Variants in TCF7L2 observed in about 807,000 individuals in gnomAD.
TCF7L2 encodes transcription factor 7-like 2.
A neutral mutation model predicts 77.9 loss-of-function variants in TCF7L2; 23 were observed. The observed-to-expected ratio is 0.30, with a 90% CI of 0.21 to 0.42. TCF7L2 has a LOEUF of 0.42. Among genes scored for constraint, TCF7L2 ranks in the 10% least tolerant of loss-of-function variants. The probability of loss-of-function intolerance (pLI) is 1.00; values close to 1 mark genes in which losing one functional copy is unlikely to be tolerated. For missense variants in TCF7L2, 654 were observed against 793.1 expected, an observed-to-expected ratio of 0.82 and a Z score of 2.11; for synonymous variants, 413 against 340.2, an observed-to-expected ratio of 1.21 and a Z score of -2.36.
At chr10:113,073,811 G>A (rs2058381024) in intron 5 of TCF7L2, among the ~76,000 whole-genome samples, 1 of 152,178 alleles carries the variant, frequency 6.6e-6, no homozygotes, top group African/African-American at 2.4e-5. Flanking sequence ...CACCACACCG[G>A]ACTGCCTGGC....
chr10:113,131,416 G>A (rs2066581809), intron 5 of TCF7L2, among the ~76,000 whole-genome samples: 1 of 152,196 alleles, frequency 6.6e-6, no homozygotes. Flanking sequence ...TGTCAGGAAT[G>A]GTGGTGAAGA....
intron 4 of TCF7L2, among the ~76,000 whole-genome samples, chr10:112,970,695 A>G (rs1290264863): frequency 1.3e-5 from 2 of 151,886 alleles, no homozygotes; most frequent in African/African-American, 2.4e-5. Context: ...ACTTTCTCCC[A>G]CTTCAGGTTT....
At chr10:113,137,360 C>T (rs1239334278) in intron 5 of TCF7L2, among the ~76,000 whole-genome samples, 1 of 152,186 alleles carries the variant, frequency 6.6e-6, no homozygotes, top group Non-Finnish European at 1.5e-5. Context: ...GCACGTTTAG[C>T]TTGTGCCTGT....
At chr10:113,135,651 C>G (rs1296865245) in intron 5 of TCF7L2, among the ~76,000 whole-genome samples, 1 of 152,138 alleles carries the variant, frequency 6.6e-6, no homozygotes, top group African/African-American at 2.4e-5. Context: ...CCTGCTGGGC[C>G]GAGATACTGC....
At chr10:112,990,283 A>G (rs1374945642) in intron 4 of TCF7L2, among the ~76,000 whole-genome samples, 1 of 152,066 alleles carries the variant, frequency 6.6e-6, no homozygotes, top group Non-Finnish European at 1.5e-5. Context: ...ACTTTTAATT[A>G]TATTCATTCA....
In TCF7L2 at chr10:113,166,016, C is replaced by A. The variant is rs2137659551; in HGVS notation, c.*44C>A. On this transcript the variant is annotated 3_prime_UTR_variant, in exon 14 of 14. Coordinates refer to ENST00000627217, the MANE Select transcript of TCF7L2 (RefSeq NM_001146274.2). ...CGCTGCTTTGTTTATGGTTTTGTTT[C>A]ACTTTTCTTAATTTGCCCCCCACCC... The A allele has an allele frequency of 2.1e-6, 3 of 1,417,520 alleles. No individual in the cohort carries two copies. Among genetic ancestry groups the A allele is most frequent in the Non-Finnish European group, 2.8e-6 (3 of 1,080,500 alleles). The allele number at this position is 1,417,520 out of a possible 1,614,324, so 87.8% of individuals were successfully genotyped here. A position where few individuals can be genotyped will look rare whatever the true frequency, so the allele number is the denominator to read the frequency against.
chr10:113,106,157 C>G (rs910764446), intron 5 of TCF7L2, among the ~76,000 whole-genome samples: 2 of 152,044 alleles, frequency 1.3e-5, no homozygotes, highest in African/African-American at 4.8e-5. Flanking sequence ...GCAAACAGAC[C>G]CCAACCAGAG....
intron 4 of TCF7L2, among the ~76,000 whole-genome samples, chr10:113,039,116 A>C (rs1232484885): frequency 6.6e-6 from 1 of 152,166 alleles, no homozygotes; most frequent in Non-Finnish European, 1.5e-5. Context: ...TTACCAACAG[A>C]AGTTAAATGC....
Position 113,010,273 on chromosome 10 carries a change from T to C in TCF7L2, c.451-29752T>C, listed in dbSNP as rs1212497783. ...TGTGACAATCACCCTCATTCATTGA[T>C]ATCTTCTTCCTATCATGTATTAGGG... On this transcript the variant is annotated intron_variant, in intron 4 of 13. Transcript: ENST00000627217. 3.3e-5 allele frequency among the ~76,000 whole-genome samples: 5 copies of C among 152,172 alleles called. No individual in the cohort carries two copies. In the South Asian group the frequency reaches 8.3e-4, roughly 25 times the overall value.
chr10:112,971,559 C>G (rs1217750985), intron 4 of TCF7L2, among the ~76,000 whole-genome samples: 1 of 150,868 alleles, frequency 6.6e-6, no homozygotes, highest in Non-Finnish European at 1.5e-5. Context: ...ATCCTCCTGC[C>G]TTGGCCTCCC....
intron 5 of TCF7L2, among the ~76,000 whole-genome samples, chr10:113,088,754 C>T (rs901617750): frequency 3.3e-5 from 5 of 151,568 alleles, no homozygotes; most frequent in Non-Finnish European, 7.4e-5. Context: ...CCCAGGAGTT[C>T]AAGACCAGCC....
chr10:113,028,580 C>T (rs139182665), intron 4 of TCF7L2, among the ~76,000 whole-genome samples: 4 of 152,166 alleles, frequency 2.6e-5, no homozygotes, highest in Non-Finnish European at 5.9e-5. Flanking sequence ...GCACGGGGTG[C>T]GGTTTCAGTT....
chr10:112,996,813 A>G (rs145467351), intron 4 of TCF7L2, among the ~76,000 whole-genome samples: 2 of 152,204 alleles, frequency 1.3e-5, no homozygotes, highest in African/African-American at 2.4e-5. Context: ...ACCAGAGTCT[A>G]GGGTTCTAGA....
At chr10:113,165,051 A>C (rs1420167490) in intron 13 of TCF7L2, among the ~76,000 whole-genome samples, 2 of 152,032 alleles carry the variant, frequency 1.3e-5, no homozygotes, top group African/African-American at 2.4e-5. Flanking sequence ...TTTTAAACAC[A>C]CACACACTCA....
intron 7 of TCF7L2, 75 bp downstream of exon 7, chr10:113,144,100 CTGTGTGTGTGTGTGTGTGTG>C (rs3830991): frequency 2.9e-5 from 19 of 653,348 alleles, no homozygotes; most frequent in Middle Eastern, 3.3e-4. Flanking sequence ...GTGTGTGTGT[CTGTGTGTGTGTGTGTGTGTG>C]TGTGTGTGTG....
intron 5 of TCF7L2, among the ~76,000 whole-genome samples, chr10:113,134,272 G>C (rs1331963380): frequency 6.6e-6 from 1 of 152,190 alleles, no homozygotes; most frequent in Non-Finnish European, 1.5e-5. Context: ...CACCCATTTG[G>C]GGCCACGGGA....
At chr10:113,127,432 T>A (rs1206212105) in intron 5 of TCF7L2, among the ~76,000 whole-genome samples, 1 of 152,154 alleles carries the variant, frequency 6.6e-6, no homozygotes, top group Non-Finnish European at 1.5e-5. Context: ...AACAAAAGTT[T>A]GCTGATGCTG....
In TCF7L2 at chr10:113,166,828, T is replaced by C. The variant is rs952637484; in HGVS notation, c.*856T>C. The C allele has an allele frequency of 3.5e-5, 8 of 228,996 alleles. No homozygotes were observed. Among genetic ancestry groups the C allele is most frequent in the Non-Finnish European group, 8.7e-6 (1 of 115,528 alleles). 14.2% of individuals were successfully genotyped at this position (228,996 alleles called of 1,614,324 possible). Reference sequence around the variant, plus strand: ...TTTTGTTTCCCCTTTTTGACTTTTTTTTTTCTGTATGAAACCCAGATGTCA... The same window carrying C: ...TTTTGTTTCCCCTTTTTGACTTTTTCTTTTCTGTATGAAACCCAGATGTCA... On this transcript the variant is annotated 3_prime_UTR_variant, in exon 14 of 14. Coordinates refer to ENST00000627217, the MANE Select transcript of TCF7L2 (RefSeq NM_001146274.2).
chr10:113,159,307 T>G (rs2072628926), intron 12 of TCF7L2, among the ~76,000 whole-genome samples: 1 of 152,162 alleles, frequency 6.6e-6, no homozygotes, highest in South Asian at 2.1e-4. Flanking sequence ...TTTTCCTCTC[T>G]TAATAATTAA....
Sources: gnomAD v4.1 joint callset for allele counts (sites outside exome capture counted in the v4.1 genomes callset) on GRCh38, gnomAD v4.1.1 for gene constraint, MANE v1.5 for transcripts, NCBI Gene and HGNC (gene_info 2026-07-23, HGNC 2026-07-21) for gene names.